Variants in OPALIN observed in about 807,000 individuals in gnomAD.
OPALIN encodes transmembrane protein 10.
A neutral mutation model predicts 17.8 loss-of-function variants in OPALIN; 15 were observed. That is an observed-to-expected ratio of 0.84 (90% CI 0.56 to 1.29). OPALIN has a LOEUF of 1.29. OPALIN is among the 50% of genes most tolerant of loss of function. The pLI is 0.00. For synonymous variants in OPALIN, 62 were observed against 63.8 expected (o/e 0.97, Z 0.14); for missense variants, 170 against 176.0 (o/e 0.97, Z 0.19).
chr10:96,358,050 T>C (rs1845883664), intron 1 of OPALIN, among the ~76,000 whole-genome samples: 1 of 151,968 alleles, frequency 6.6e-6, no homozygotes, highest in African/African-American at 2.4e-5. Context: ...GCACTATTAT[T>C]CCTATATTAT....
chr10:96,355,199 A>G, intron 2 of OPALIN, 56 bp downstream of exon 2: 1 of 1,538,992 alleles, frequency 6.5e-7, no homozygotes, highest in Non-Finnish European at 8.9e-7. Context: ...GACCTACTGT[A>G]AATTCTGCAC....
rs1845289435 is a variant in OPALIN, at chr10:96,345,848, G to C, written c.*93C>G. 7.9e-7 allele frequency: 1 copy of C among 1,263,860 alleles called. No individual in the cohort carries two copies. 78.3% of individuals were successfully genotyped at this position (1,263,860 alleles called of 1,614,324 possible). ...TGTAAATGAAATTTGGATTGATTAA[G>C]AAGCAGCTTGGCATCTTTCCTCTCC... On this transcript the variant is annotated 3_prime_UTR_variant, in exon 6 of 6. Coordinates refer to ENST00000371172, the MANE Select transcript of OPALIN (RefSeq NM_033207.5).
chr10:96,356,889 C>T, intron 1 of OPALIN: 2 of 985,410 alleles, frequency 2.0e-6, no homozygotes, highest in Non-Finnish European at 2.4e-6. Flanking sequence ...GTCCAAACAA[C>T]TACTTAGCTG....
Position 96,349,774 on chromosome 10 carries a change from G to C in OPALIN, c.125C>G (p.Thr42Arg). The C allele has an allele frequency of 6.2e-7, 1 of 1,613,674 alleles. No homozygotes were observed. The highest frequency in any genetic ancestry group is 8.5e-7 in the Non-Finnish European group (1 of 1,179,784). The change falls in exon 4 of 6, where the codon ACA (threonine) becomes AGA (arginine). Residue 42 changes from threonine (T) to arginine (R), a missense_variant. Thr to Arg is a moderately conservative substitution (Grantham distance 71). Coordinates refer to ENST00000371172, the MANE Select transcript of OPALIN (RefSeq NM_033207.5). ...AAATAGTAAAGCCACCAGCAGGGCT[G>C]TGGCCACCAGCAATGGTATGCCCGC... is the stretch of plus-strand genomic sequence containing the variant. ...LAAGIPLLVA[T>R]ALLVALLFTL... is the part of the protein sequence containing the mutation.
chr10:96,356,147 G>T (rs1845810570), intron 1 of OPALIN, among the ~76,000 whole-genome samples: 1 of 152,088 alleles, frequency 6.6e-6, no homozygotes, highest in Admixed American at 6.5e-5. Flanking sequence ...CCACTTTCTG[G>T]ACTCTCAGCC....
At position 96,357,048 on chromosome 10, in the gene OPALIN, G is replaced by A. The variant is rs145836495; in HGVS notation, c.4-1758C>T. 5 of 985,516 alleles carry A rather than the reference G, an allele frequency of 5.1e-6. No homozygotes were observed. In the African/African-American group the frequency reaches 5.2e-5, roughly 10 times the overall value. 61.0% of individuals were successfully genotyped at this position (985,516 alleles called of 1,614,324 possible). On this transcript the variant is annotated intron_variant, in intron 1 of 5. Transcript: ENST00000371172. Reference sequence around the variant, plus strand: ...TTCTGGGATGACGGTGGAACACAGGGACGTCTGGGCCTCTTAGGTCAGGGT... The same window carrying A: ...TTCTGGGATGACGGTGGAACACAGGAACGTCTGGGCCTCTTAGGTCAGGGT...
At chr10:96,350,512 C>T (rs1163657249) in intron 3 of OPALIN, among the ~76,000 whole-genome samples, 1 of 152,146 alleles carries the variant, frequency 6.6e-6, no homozygotes, top group Non-Finnish European at 1.5e-5. Flanking sequence ...CCATGCCCAG[C>T]CATACCACAC....
chr10:96,348,078 A>G (rs1845415208), intron 5 of OPALIN, among the ~76,000 whole-genome samples: 2 of 152,340 alleles, frequency 1.3e-5, no homozygotes, highest in Non-Finnish European at 2.9e-5. Context: ...AAAATAAATT[A>G]TATTAAATTG....
Position 96,343,623 on chromosome 10 carries a change from A to G in OPALIN, c.*2318T>C, listed in dbSNP as rs796687176. The G allele has an allele frequency of 4.6e-5, 7 of 152,328 alleles. No homozygotes were observed. The highest frequency in any genetic ancestry group is 1.7e-4 in the African/African-American group (7 of 41,582). The allele number at this position is 152,328 out of a possible 1,614,324, so 9.4% of individuals were successfully genotyped here. A position where few individuals can be genotyped will look rare whatever the true frequency, so the allele number is the denominator to read the frequency against. ...CAGTAAATCCAAGGTCCTTCATGAC[A>G]TGTAGGAGAAGTACAAGCACCAGGA... On this transcript the variant is annotated 3_prime_UTR_variant, in exon 6 of 6. Coordinates refer to ENST00000371172, the MANE Select transcript of OPALIN (RefSeq NM_033207.5).
chr10:96,347,485 T>C (rs922187882), intron 5 of OPALIN, among the ~76,000 whole-genome samples: 3 of 152,068 alleles, frequency 2.0e-5, no homozygotes, highest in Non-Finnish European at 4.4e-5. Flanking sequence ...CTAATTTTTT[T>C]TTTTGAGATG....
chr10:96,354,855 G>A (rs991312551), intron 2 of OPALIN, among the ~76,000 whole-genome samples: 8 of 150,472 alleles, frequency 5.3e-5, no homozygotes, highest in East Asian at 1.9e-4. Flanking sequence ...CAGCACTTTG[G>A]GAGGCTGAGG....
intron 2 of OPALIN, among the ~76,000 whole-genome samples, chr10:96,353,187 G>A (rs900270795): frequency 3.9e-5 from 6 of 152,176 alleles, no homozygotes; most frequent in African/African-American, 1.4e-4. Flanking sequence ...GGCCTCCATG[G>A]CCTAATGCAG....
At chr10:96,348,468 A>G (rs544705332) in intron 4 of OPALIN, 123 bp from the exon 5 acceptor site, 1 of 525,844 alleles carries the variant, frequency 1.9e-6, no homozygotes, top group East Asian at 3.2e-5. Flanking sequence ...TAAAACAAAC[A>G]AAACAAGCAC....
In OPALIN at chr10:96,349,709, C is replaced by T; in HGVS notation, c.190G>A (p.Glu64Lys). 6.2e-7 allele frequency: 1 copy of T among 1,613,570 alleles called. No individual in the cohort carries two copies. The highest frequency in any genetic ancestry group is 8.5e-7 in the Non-Finnish European group (1 of 1,179,782). Residue 64 changes from glutamate to lysine, a missense_variant and splice_region_variant, in exon 4 of 6, where the codon GAG (glutamate) becomes AAG (lysine). Glu to Lys is a moderately conservative substitution (Grantham distance 56). Transcript: ENST00000371172. ...HRRRSSIEAM[E>K]ESDRPCEISE... ...GACCCAAAGAAGCTAGTAATCACCT[C>T]CATGGCCTCAATGCTGCTTCTTCTT...
At chr10:96,349,018 C>T (rs1845458471) in intron 4 of OPALIN, among the ~76,000 whole-genome samples, 1 of 152,198 alleles carries the variant, frequency 6.6e-6, no homozygotes, top group African/African-American at 2.4e-5. Flanking sequence ...TGTCCAGGAT[C>T]ATATAAATCA....
intron 2 of OPALIN, among the ~76,000 whole-genome samples, chr10:96,352,363 T>G (rs1302570897): frequency 6.6e-6 from 1 of 152,086 alleles, no homozygotes; most frequent in African/African-American, 2.4e-5. Flanking sequence ...GTAATAGATC[T>G]CAGAGAAGTT....
At chr10:96,355,412 C>A in intron 1 of OPALIN, 122 bp from the exon 2 acceptor site, 2 of 790,114 alleles carry the variant, frequency 2.5e-6, no homozygotes, top group East Asian at 2.7e-5. Context: ...ACTCAGCCAG[C>A]CCCCATCGTC....
intron 2 of OPALIN, among the ~76,000 whole-genome samples, chr10:96,351,958 T>G (rs1211492690): frequency 6.6e-6 from 1 of 152,220 alleles, no homozygotes; most frequent in Admixed American, 6.5e-5. Flanking sequence ...ATAAGATATT[T>G]CAGGCAAGAG....
intron 1 of OPALIN, among the ~76,000 whole-genome samples, chr10:96,355,589 G>A (rs1272178550): frequency 6.6e-6 from 1 of 152,128 alleles, no homozygotes; most frequent in African/African-American, 2.4e-5. Context: ...CATTCACAAG[G>A]GCAGCAAACA....
Sources: allele counts gnomAD v4.1 joint callset (sites outside exome capture counted in the v4.1 genomes callset), GRCh38; gene constraint gnomAD v4.1.1; transcripts MANE v1.5; gene names NCBI Gene and HGNC (gene_info 2026-07-23, HGNC 2026-07-21).